Variants in GATA3 observed in about 807,000 individuals in gnomAD.
GATA3 encodes the protein trans-acting T-cell-specific transcription factor GATA-3.
In GATA3, 6 loss-of-function variants were observed where a neutral mutation model predicts 36.0. The observed-to-expected ratio is 0.17, with a 90% CI of 0.09 to 0.33. The LOEUF (loss-of-function observed/expected upper bound fraction) is 0.33. GATA3 is among the 10% of genes least tolerant of loss of function. GATA3 has a pLI of 1.00. For synonymous variants in GATA3, 326 were observed against 273.0 expected, an observed-to-expected ratio of 1.19 and a Z score of -1.92; for missense variants, 514 against 610.1, an observed-to-expected ratio of 0.84 and a Z score of 1.66.
Position 8,055,143 on chromosome 10 carries a change from C to T in GATA3, c.-369-144C>T, listed in dbSNP as rs892465866. On this transcript the variant is annotated intron_variant, in intron 1 of 5. Coordinates refer to ENST00000379328, the MANE Select transcript of GATA3 (RefSeq NM_001002295.2). This position sits in a 1 kb window ranked among gnomAD's most constrained non-coding sequence, Gnocchi z 5.4. ...GCGAGCCGGGCTGCAGGGACGTCCC[C>T]GAGAGCCCTGCGGGCTCCGCGGCCG... The T allele has an allele frequency of 1.4e-5, 3 of 216,104 alleles. No homozygotes were observed. The highest frequency in any genetic ancestry group is 2.8e-5 in the Non-Finnish European group (3 of 108,722). 13.4% of individuals were successfully genotyped at this position (216,104 alleles called of 1,614,324 possible).
intron 3 of GATA3, among the ~76,000 whole-genome samples, chr10:8,062,074 G>A (rs994265472): frequency 1.3e-5 from 2 of 152,124 alleles, no homozygotes; most frequent in South Asian, 2.1e-4. Flanking sequence ...CCGGTTACTC[G>A]CCCACTCACC....
chr10:8,069,671 C>G (rs2131512796), intron 5 of GATA3, 73 bp downstream of exon 5: 1 of 1,551,002 alleles, frequency 6.4e-7, no homozygotes, highest in Non-Finnish European at 8.9e-7. Flanking sequence ...CACCACCACC[C>G]TCTCCAAGTG....
chr10:8,066,327 G>C (rs7897792), intron 4 of GATA3, among the ~76,000 whole-genome samples: 83,686 of 151,868 alleles, frequency 0.55, 23,908 homozygotes, highest in Admixed American at 0.71. Context: ...ATTTTCATCT[G>C]TCTTTTCTTT....
chr10:8,054,425 C>A (rs1371453325), upstream of GATA3, among the ~76,000 whole-genome samples: 1 of 152,178 alleles, frequency 6.6e-6, no homozygotes, highest in Non-Finnish European at 1.5e-5. This position sits in a 1 kb window ranked among gnomAD's most constrained non-coding sequence, Gnocchi z 4.2. Flanking sequence ...CTCCCGTCCG[C>A]CCCCAAGCCC....
rs1192007468 is a variant in GATA3 at position 8,058,642 on chromosome 10, C to T, written c.579C>T (p.Ser193=). ...CLKYQVPLPD[S]MKLESSHSRG... ...AGTACCAGGTGCCCCTGCCCGACAGCATGAAGCTGGAGTCGTCCCACTCCC... is the reference window on the plus strand; with the variant it reads ...AGTACCAGGTGCCCCTGCCCGACAGTATGAAGCTGGAGTCGTCCCACTCCC... The change falls in exon 3 of 6, where the codon AGC becomes AGT. Residue 193 remains serine (S), a synonymous_variant. Coordinates refer to ENST00000379328, the MANE Select transcript of GATA3 (RefSeq NM_001002295.2). 6.2e-7 allele frequency: 1 copy of T among 1,613,040 alleles called. No individual in the cohort carries two copies.
intron 4 of GATA3, 68 bp from the exon 5 acceptor site, chr10:8,069,405 C>A (rs1234236471): frequency 4.2e-6 from 6 of 1,417,638 alleles, no homozygotes; most frequent in Non-Finnish European, 5.9e-6. Flanking sequence ...TCAAGCCTGT[C>A]TTCATAGTGA....
chr10:8,049,180 A>C (rs1832430596), upstream of GATA3, among the ~76,000 whole-genome samples: 1 of 149,332 alleles, frequency 6.7e-6, no homozygotes, highest in African/African-American at 2.5e-5. Flanking sequence ...ACCATCCCCA[A>C]AACGATAGCT....
intron 1 of GATA3, among the ~76,000 whole-genome samples, chr10:8,047,985 C>T (rs1832413109): frequency 6.6e-6 from 1 of 152,096 alleles, no homozygotes; most frequent in East Asian, 1.9e-4. Flanking sequence ...AAAAGCGCGC[C>T]TCTACTGTCT....
chr10:8,050,824 C>T (rs368005927), upstream of GATA3: 2,221 of 398,104 alleles, frequency 5.6e-3, 44 homozygotes, highest in African/African-American at 0.046. Context: ...CCCCGGGCGG[C>T]CCGAGGCACG....
At chr10:8,051,587 G>A (rs368296710), upstream of GATA3, 39 of 155,360 alleles carry the variant, frequency 2.5e-4, no homozygotes, top group South Asian at 6.7e-3. Flanking sequence ...TCCTTGGGAG[G>A]AAGGGGACTC....
rs201178566 is a variant in GATA3 at position 8,055,616 on chromosome 10, G to A, written c.-40G>A. 63 of 1,539,590 alleles carry A rather than the reference G, an allele frequency of 4.1e-5. No homozygotes were observed. In the East Asian group the frequency reaches 1.3e-3, roughly 32 times the overall value. On this transcript the variant is annotated 5_prime_UTR_variant, in exon 2 of 6. Transcript: ENST00000379328. The surrounding 1 kb of genome is among the most constrained non-coding windows in gnomAD (Gnocchi z 5.4). Reference sequence around the variant, plus strand: ...GACCGCCCTCCCTCCCCGCGCGCGGGTTCCGGGCCCGGCGAGAGGGCGCGA... The same window carrying A: ...GACCGCCCTCCCTCCCCGCGCGCGGATTCCGGGCCCGGCGAGAGGGCGCGA...
chr10:8,051,155 CG>C, upstream of GATA3: 1 of 216,504 alleles, frequency 4.6e-6, no homozygotes, highest in Admixed American at 5.9e-5. Flanking sequence ...CCTGGGAGGG[CG>C]GGTGGGAGGG....
At chr10:8,064,436 C>T (rs1479529685) in intron 4 of GATA3, among the ~76,000 whole-genome samples, 1 of 151,240 alleles carries the variant, frequency 6.6e-6, no homozygotes, top group Admixed American at 6.6e-5. Context: ...ATCAAATCTG[C>T]AGTGTATTCC....
In GATA3 at chr10:8,055,906, C is replaced by G; in HGVS notation, c.241+10C>G. Reference sequence around the variant, plus strand: ...CCTCCGACCCACCACGGTGAGTGCGCCCGGGGTGCCGGGGCTCCCGCCGGC... The same window carrying G: ...CCTCCGACCCACCACGGTGAGTGCGGCCGGGGTGCCGGGGCTCCCGCCGGC... On this transcript the variant is annotated intron_variant, in intron 2 of 5. Transcript: ENST00000379328. The surrounding 1 kb of genome is among the most constrained non-coding windows in gnomAD (Gnocchi z 5.4). 1 of 1,553,280 alleles carries G rather than the reference C, an allele frequency of 6.4e-7. No homozygotes were observed. The highest frequency in any genetic ancestry group is 1.2e-5 in the South Asian group (1 of 84,254).
intron 1 of GATA3, among the ~76,000 whole-genome samples, chr10:8,047,482 C>T (rs545876007): frequency 6.6e-6 from 1 of 152,266 alleles, no homozygotes; most frequent in African/African-American, 2.4e-5. Context: ...GTGTGCAGAC[C>T]AAATCTTTCC....
intron 5 of GATA3, among the ~76,000 whole-genome samples, chr10:8,071,211 G>A (rs764491562): frequency 4.6e-5 from 7 of 152,278 alleles, no homozygotes; most frequent in East Asian, 1.9e-4. Flanking sequence ...AAAGCAAGTC[G>A]CTTGCACAAG....
chr10:8,065,865 G>GA (rs36068913), intron 4 of GATA3, among the ~76,000 whole-genome samples: 36,750 of 69,756 alleles, frequency 0.53, 9,686 homozygotes, highest in South Asian at 0.67. Context: ...AGAAGTGTTT[G>GA]AAAAAAAAAA....
chr10:8,052,901 G>T (rs1031826199), upstream of GATA3: 4 of 150,674 alleles, frequency 2.7e-5, no homozygotes, highest in East Asian at 1.9e-4. Context: ...ACGTGGCGGG[G>T]GGGGGGGGAG....
upstream of GATA3, chr10:8,050,980 G>C (rs1564393879): frequency 2.0e-6 from 1 of 492,160 alleles, no homozygotes. Context: ...GGAAGCGCCG[G>C]TTGCCTGGCT....
Sources: gnomAD v4.1 joint callset for allele counts (sites outside exome capture counted in the v4.1 genomes callset) on GRCh38, gnomAD v4.1.1 for gene constraint, Gnocchi (gnomAD v3.1) non-coding constraint, MANE v1.5 for transcripts, NCBI Gene and HGNC (gene_info 2026-07-23, HGNC 2026-07-21) for gene names.